MGAT4C: variants seen among roughly 807,000 people sequenced by gnomAD.
The protein encoded by MGAT4C is MGAT4 family member C.
Under a neutral mutation model 40.1 loss-of-function variants are expected in MGAT4C, and 19 were observed. The observed-to-expected ratio is 0.47, with a 90% CI of 0.33 to 0.70. The LOEUF is 0.70. Among genes scored for constraint, MGAT4C ranks in the 30% least tolerant of loss-of-function variants. The pLI, the probability that MGAT4C is intolerant of heterozygous loss-of-function variation, is 0.02. For missense variants in MGAT4C, 491 were observed against 563.2 expected (o/e 0.87, Z 1.30); for synonymous variants, 181 against 187.1 (o/e 0.97, Z 0.27).
intron 2 of MGAT4C, among the ~76,000 whole-genome samples, chr12:86,625,636 A>G (rs922962313): frequency 2.6e-5 from 4 of 152,142 alleles, no homozygotes; most frequent in Non-Finnish European, 1.5e-5. Context: ...TGGAAAGCAT[A>G]CTAACAGATA....
intron 1 of MGAT4C, among the ~76,000 whole-genome samples, chr12:86,254,541 T>A (rs1240364803): frequency 6.6e-6 from 1 of 152,094 alleles, no homozygotes; most frequent in Non-Finnish European, 1.5e-5. Context: ...TAGTTAAGTT[T>A]AATCACCTGT....
chr12:86,662,666 T>G (rs1453288912), intron 2 of MGAT4C, among the ~76,000 whole-genome samples: 3 of 152,150 alleles, frequency 2.0e-5, no homozygotes, highest in African/African-American at 7.2e-5. Flanking sequence ...TTCAGAAGAT[T>G]AAAAATGGAT....
At chr12:86,700,887 T>A (rs1181260961) in intron 2 of MGAT4C, among the ~76,000 whole-genome samples, 1 of 152,136 alleles carries the variant, frequency 6.6e-6, no homozygotes, top group Non-Finnish European at 1.5e-5. Context: ...AATTAAGCTT[T>A]ATTGATAGTA....
intron 1 of MGAT4C, among the ~76,000 whole-genome samples, chr12:86,798,916 T>G (rs1176378302): frequency 6.6e-6 from 1 of 151,832 alleles, no homozygotes; most frequent in African/African-American, 2.4e-5. Context: ...TGCCATGTCT[T>G]AAAAAATAAG....
chr12:86,380,536 T>C (rs1955908955), intron 3 of MGAT4C, among the ~76,000 whole-genome samples: 1 of 152,156 alleles, frequency 6.6e-6, no homozygotes, highest in Non-Finnish European at 1.5e-5. Context: ...AGGACATAGA[T>C]TGTTTCTGTC....
intron 2 of MGAT4C, among the ~76,000 whole-genome samples, chr12:86,547,126 A>G (rs1959198115): frequency 6.6e-6 from 1 of 151,994 alleles, no homozygotes; most frequent in African/African-American, 2.4e-5. Flanking sequence ...TTATTTTGCT[A>G]TAAGAATTTT....
At chr12:86,678,947 T>A (rs1210718234) in intron 2 of MGAT4C, among the ~76,000 whole-genome samples, 1 of 152,098 alleles carries the variant, frequency 6.6e-6, no homozygotes, top group Non-Finnish European at 1.5e-5. Flanking sequence ...ATATACCCAG[T>A]AATGGGATGG....
At position 86,278,849 on chromosome 12, in the gene MGAT4C, T is replaced by A. The variant is rs116192026; in HGVS notation, c.-57+55216A>T. 3.4e-3 allele frequency among the ~76,000 whole-genome samples: 513 copies of A among 152,336 alleles called. 2 individuals are homozygous for A. The highest frequency in any genetic ancestry group is 0.011 in the African/African-American group (474 of 41,584). On this transcript the variant is annotated intron_variant, in intron 4 of 7. Transcript: ENST00000548651. ...CTTTTGTTGTGTTAAGCTATATTCC[T>A]TCTATACCCAGTTTTTGTAGAGTTT...
At chr12:86,546,639 T>G (rs1823911527) in intron 2 of MGAT4C, among the ~76,000 whole-genome samples, 1 of 152,088 alleles carries the variant, frequency 6.6e-6, no homozygotes, top group African/African-American at 2.4e-5. Flanking sequence ...TTTATAGAAT[T>G]AAATTTTACC....
chr12:86,385,853 T>G (rs1019120476), intron 3 of MGAT4C, among the ~76,000 whole-genome samples: 10 of 152,346 alleles, frequency 6.6e-5, no homozygotes, highest in Middle Eastern at 3.4e-3. Flanking sequence ...GACTAAGATG[T>G]GTGTCTTCTG....
chr12:85,979,892 C>T lies in MGAT4C; in HGVS notation c.834G>A (p.Met278Ile). ...AATCACAAGGCATTTCTTGATAAAA[C>T]ATTAATAAAAAATGGGCCAAACGTG... Reference protein sequence around the residue: ...DLPRLAHFLLMFYQEMPCDWL... With the variant: ...DLPRLAHFLLIFYQEMPCDWL... Residue 278 changes from methionine to isoleucine, a missense_variant, in exon 5 of 5, where the codon ATG (methionine) becomes ATA (isoleucine). Met to Ile is a conservative substitution (Grantham distance 10). Transcript: ENST00000611864. 6.2e-7 allele frequency: 1 copy of T among 1,613,710 alleles called. No individual in the cohort carries two copies.
chr12:86,482,208 T>C (rs899337260), intron 2 of MGAT4C, among the ~76,000 whole-genome samples: 12 of 151,996 alleles, frequency 7.9e-5, no homozygotes, highest in Non-Finnish European at 1.5e-4. Flanking sequence ...TTTCCACTTC[T>C]ACAAACAAAC....
chr12:86,320,101 C>T (rs927704781), intron 4 of MGAT4C, among the ~76,000 whole-genome samples: 6 of 152,106 alleles, frequency 3.9e-5, no homozygotes, highest in Non-Finnish European at 7.4e-5. Flanking sequence ...CTTCCTGACA[C>T]TACAAGATCT....
chr12:86,007,975 T>C (rs1361556210), intron 2 of MGAT4C, among the ~76,000 whole-genome samples: 1 of 151,958 alleles, frequency 6.6e-6, no homozygotes, highest in Non-Finnish European at 1.5e-5. Flanking sequence ...ATCAGTTGGA[T>C]ATATATGTGT....
At chr12:86,739,568 A>G (rs1326583775) in intron 1 of MGAT4C, among the ~76,000 whole-genome samples, 1 of 151,060 alleles carries the variant, frequency 6.6e-6, no homozygotes, top group Non-Finnish European at 1.5e-5. Context: ...CTGAACATGC[A>G]CAGACTTTTC....
intron 2 of MGAT4C, among the ~76,000 whole-genome samples, chr12:86,513,858 C>G (rs1357931636): frequency 6.6e-6 from 1 of 152,078 alleles, no homozygotes; most frequent in Non-Finnish European, 1.5e-5. Context: ...CTCTCTTCAG[C>G]TGTGCATTAG....
chr12:86,427,944 C>T (rs1592834960), intron 3 of MGAT4C, among the ~76,000 whole-genome samples: 1 of 151,850 alleles, frequency 6.6e-6, no homozygotes, highest in Non-Finnish European at 1.5e-5. Flanking sequence ...CGCTTGAACC[C>T]GGGAGGCAGA....
At chr12:86,286,746 A>AC (rs1242339112) in intron 4 of MGAT4C, among the ~76,000 whole-genome samples, 1 of 128,342 alleles carries the variant, frequency 7.8e-6, no homozygotes, top group Non-Finnish European at 1.6e-5. Context: ...TCCCACCCCC[A>AC]CCCCCTTGTA....
intron 1 of MGAT4C, among the ~76,000 whole-genome samples, chr12:86,161,470 C>G (rs951360061): frequency 1.3e-5 from 2 of 152,132 alleles, no homozygotes; most frequent in African/African-American, 2.4e-5. Context: ...AAGATTGAAG[C>G]TGGACCCTAC....
Sources: gnomAD v4.1 joint callset for allele counts (sites outside exome capture counted in the v4.1 genomes callset) on GRCh38, gnomAD v4.1.1 for gene constraint, MANE v1.5 for transcripts, NCBI Gene and HGNC (gene_info 2026-07-23, HGNC 2026-07-21) for gene names.